The following DENND2A variants were observed in gnomAD, a reference collection of about 807,000 sequenced individuals.
The protein encoded by DENND2A is DENN domain containing 2A.
In DENND2A, 53 loss-of-function variants were observed where a neutral mutation model predicts 105.3. The observed-to-expected ratio is 0.50, with a 90% CI of 0.40 to 0.63. The LOEUF (loss-of-function observed/expected upper bound fraction) is 0.63, where lower values mean the gene tolerates loss of function less well. Among genes scored for constraint, DENND2A ranks in the 30% least tolerant of loss-of-function variants. The probability of loss-of-function intolerance (pLI) is 0.00; values close to 1 mark genes in which losing one functional copy is unlikely to be tolerated. For synonymous variants in DENND2A, 522 were observed against 508.4 expected (o/e 1.03, Z -0.36); for missense variants, 1,138 against 1,279.6 (o/e 0.89, Z 1.69).
intron 1 of DENND2A, among the ~76,000 whole-genome samples, chr7:140,612,228 G>A (rs1585754675): frequency 6.7e-6 from 1 of 148,568 alleles, no homozygotes; most frequent in Non-Finnish European, 1.5e-5. Flanking sequence ...ATGACAGAGC[G>A]AAACTCCGTC....
intron 14 of DENND2A, among the ~76,000 whole-genome samples, chr7:140,535,178 C>T (rs766300272): frequency 5.9e-5 from 9 of 152,242 alleles, no homozygotes; most frequent in East Asian, 1.9e-4. Flanking sequence ...AAGAGTTTCC[C>T]GAATTAGAGG....
chr7:140,615,051 G>C (rs570484042), intron 1 of DENND2A, among the ~76,000 whole-genome samples: 4 of 151,908 alleles, frequency 2.6e-5, no homozygotes, highest in Non-Finnish European at 5.9e-5. Context: ...ATTTTTTGTC[G>C]GGACAGTGTT....
chr7:140,558,042 G>T (rs756386407), intron 11 of DENND2A, 101 bp downstream of exon 11: 5 of 892,340 alleles, frequency 5.6e-6, no homozygotes, highest in East Asian at 2.6e-5. Context: ...TGCCTCATCA[G>T]GGAATCTCAG....
chr7:140,527,434 T>G lies in DENND2A; in HGVS notation c.2389A>C (p.Thr797Pro), dbSNP rs1384360611. Residue 797 changes from threonine (T) to proline (P), a missense_variant, in exon 15 of 20, where the codon ACC becomes CCC. Thr to Pro is a conservative substitution (Grantham distance 38). Around this residue, in one of 2 missense-constraint regions of DENND2A, gnomAD observed 627 missense variants for 779.8 expected, o/e 0.80. Coordinates refer to ENST00000496613, the MANE Select transcript of DENND2A (RefSeq NM_015689.5). The surrounding 1 kb of genome is among the most constrained non-coding windows in gnomAD (Gnocchi z 4.9). Reference sequence around the variant, plus strand: ...GCGGGTGGCAGCACCGGGATGTAGGTGTGCTGCCAGGCGAAGGGGTAGATC... The same window carrying G: ...GCGGGTGGCAGCACCGGGATGTAGGGGTGCTGCCAGGCGAAGGGGTAGATC... ...ALIYPFAWQHTYIPVLPPAMV... is the reference protein window; with the variant it reads ...ALIYPFAWQHPYIPVLPPAMV... 6.2e-7 allele frequency: 1 copy of G among 1,601,854 alleles called. No homozygotes were observed. Among genetic ancestry groups the G allele is most frequent in the Non-Finnish European group, 8.5e-7 (1 of 1,176,070 alleles).
intron 1 of DENND2A, among the ~76,000 whole-genome samples, chr7:140,634,141 G>A (rs1800835216): frequency 6.6e-6 from 1 of 151,968 alleles, no homozygotes; most frequent in Non-Finnish European, 1.5e-5. Context: ...TGGGACTACA[G>A]GTGCCCGCCA....
rs748074080 is a variant in DENND2A, at chr7:140,568,752, G to T, written c.1591+11C>A. Reference sequence around the variant, plus strand: ...CCTGCCTGAGTCCTGCACAGTAGTGGCTCTCCTCACCTTTCAGCTTCTCCT... The same window carrying T: ...CCTGCCTGAGTCCTGCACAGTAGTGTCTCTCCTCACCTTTCAGCTTCTCCT... On this transcript the variant is annotated intron_variant, in intron 8 of 19. Coordinates refer to ENST00000496613, the MANE Select transcript of DENND2A (RefSeq NM_015689.5). The T allele has an allele frequency of 6.2e-7, 1 of 1,613,872 alleles. No individual in the cohort carries two copies. Among genetic ancestry groups the T allele is most frequent in the Admixed American group, 1.7e-5 (1 of 60,016 alleles).
chr7:140,592,277 G>T (rs1489752555), intron 3 of DENND2A, among the ~76,000 whole-genome samples: 1 of 151,250 alleles, frequency 6.6e-6, no homozygotes, highest in African/African-American at 2.4e-5. Flanking sequence ...TGCGATCTTG[G>T]CTCACTGAAA....
chr7:140,519,810 TTG>T, intron 18 of DENND2A, 92 bp from the exon 19 acceptor site: 1 of 1,201,734 alleles, frequency 8.3e-7, no homozygotes, highest in Non-Finnish European at 1.2e-6. Flanking sequence ...AAGAGAAACC[TTG>T]TTTCTGAGAC....
chr7:140,521,275 T>A (rs1795850225), intron 18 of DENND2A, among the ~76,000 whole-genome samples: 1 of 152,006 alleles, frequency 6.6e-6, no homozygotes, highest in African/African-American at 2.4e-5. Context: ...AGTTTTCTTT[T>A]TCTTTCTTTT....
At chr7:140,519,055 C>T (rs1019588170) in intron 19 of DENND2A, among the ~76,000 whole-genome samples, 2 of 152,184 alleles carry the variant, frequency 1.3e-5, no homozygotes, top group African/African-American at 4.8e-5. Context: ...CCCAGCAATG[C>T]TGTGTGTATT....
chr7:140,576,237 T>C (rs1366232233), intron 5 of DENND2A, among the ~76,000 whole-genome samples: 2 of 152,014 alleles, frequency 1.3e-5, no homozygotes, highest in Admixed American at 1.3e-4. Flanking sequence ...GTGATTTACT[T>C]GTATTTTTAT....
chr7:140,622,344 G>A (rs1021440624), intron 1 of DENND2A, among the ~76,000 whole-genome samples: 15 of 151,392 alleles, frequency 9.9e-5, no homozygotes, highest in Non-Finnish European at 2.1e-4. Flanking sequence ...TGCAGTGAGC[G>A]AAGATTGCAC....
intron 1 of DENND2A, among the ~76,000 whole-genome samples, chr7:140,616,551 A>G (rs1800093693): frequency 6.6e-6 from 1 of 152,144 alleles, no homozygotes; most frequent in African/African-American, 2.4e-5. Context: ...ACTAGAAACC[A>G]CTAAATTATA....
intron 1 of DENND2A, among the ~76,000 whole-genome samples, chr7:140,625,372 G>A (rs1468136287): frequency 2.7e-5 from 4 of 150,054 alleles, no homozygotes; most frequent in Non-Finnish European, 3.0e-5. Context: ...ACGATACTCC[G>A]TTTCAAGAAA....
At chr7:140,591,694 C>T (rs201564565) in intron 3 of DENND2A, among the ~76,000 whole-genome samples, 5,020 of 93,634 alleles carry the variant, frequency 0.054, 151 homozygotes, top group African/African-American at 0.21. Flanking sequence ...TCTTTCTTTC[C>T]TTCCTTCCTT....
chr7:140,593,295 G>A (rs969440095), intron 3 of DENND2A, among the ~76,000 whole-genome samples: 4 of 152,216 alleles, frequency 2.6e-5, no homozygotes, highest in Non-Finnish European at 4.4e-5. Flanking sequence ...ACAGCCTGGG[G>A]AAGAGGTGTA....
intron 14 of DENND2A, among the ~76,000 whole-genome samples, chr7:140,538,203 C>A (rs1000658650): frequency 6.6e-6 from 1 of 152,120 alleles, no homozygotes; most frequent in Non-Finnish European, 1.5e-5. Context: ...AGACTCACAG[C>A]GATGATGAGA....
rs1381414751 is a variant in DENND2A at position 140,594,395 on chromosome 7, T to C, written c.996-6615A>G. 3.3e-5 allele frequency among the ~76,000 whole-genome samples: 5 copies of C among 152,324 alleles called. No homozygotes were observed. The East Asian group carries it at 9.6e-4, about 29-fold the overall frequency. ...GCAGTTCCTCTGACATGATGCAGTC[T>C]TTCCTGTCTCAGGGCTTTCACCTAT... On this transcript the variant is annotated intron_variant, in intron 3 of 19. Transcript: ENST00000496613.
In DENND2A at chr7:140,518,647, A is replaced by G; in HGVS notation, c.*60T>C. The G allele has an allele frequency of 1.3e-6, 2 of 1,564,998 alleles. No homozygotes were observed. The highest frequency in any genetic ancestry group is 1.8e-6 in the Non-Finnish European group (2 of 1,137,502). On this transcript the variant is annotated 3_prime_UTR_variant, in exon 20 of 20. Coordinates refer to ENST00000496613, the MANE Select transcript of DENND2A (RefSeq NM_015689.5). ...GACCCAGCCTTTCAGAAAGGCCACCAGGAACTGTTTTTAAAGCATAGGGCT... is the reference window on the plus strand; with the variant it reads ...GACCCAGCCTTTCAGAAAGGCCACCGGGAACTGTTTTTAAAGCATAGGGCT...
Sources: allele counts gnomAD v4.1 joint callset (sites outside exome capture counted in the v4.1 genomes callset), GRCh38; gene constraint gnomAD v4.1.1; regional missense constraint gnomAD v4.1.1; non-coding constraint Gnocchi (gnomAD v3.1); transcripts MANE v1.5; gene names NCBI Gene and HGNC (gene_info 2026-07-23, HGNC 2026-07-21).